The following DIAPH2 variants were observed in gnomAD, a reference collection of about 807,000 sequenced individuals.
DIAPH2 encodes the protein diaphanous related formin 2, also known as protein diaphanous homolog 2.
DIAPH2 carries 35 observed loss-of-function variants against 92.7 expected under a neutral mutation model. That is an observed-to-expected ratio of 0.38 (90% CI 0.29 to 0.50). DIAPH2 has a LOEUF of 0.50. Ranked by LOEUF, DIAPH2 falls within the 20% of genes least tolerant of loss-of-function variation. The pLI is 0.94. For missense variants in DIAPH2, 701 were observed against 819.5 expected (o/e 0.86, Z 1.77); for synonymous variants, 301 against 280.4 (o/e 1.07, Z -0.73).
chrX:97,579,762 A>G (rs2071425305), intron 26 of DIAPH2, among the ~76,000 whole-genome samples: 1 of 110,045 alleles, frequency 9.1e-6, no homozygotes, highest in Non-Finnish European at 1.9e-5. Flanking sequence ...CTTGGGCAGT[A>G]TGGCCATTTT....
intron 26 of DIAPH2, among the ~76,000 whole-genome samples, chrX:97,521,423 C>A (rs1602646093): frequency 8.9e-6 from 1 of 111,966 alleles, no homozygotes; most frequent in Non-Finnish European, 1.9e-5. Context: ...CATTCCTTGC[C>A]TTTCCTCACC....
intron 19 of DIAPH2, among the ~76,000 whole-genome samples, chrX:97,093,799 T>G (rs192839444): frequency 8.9e-6 from 1 of 112,080 alleles, no homozygotes; most frequent in East Asian, 2.8e-4. Context: ...TTTTCTATTA[T>G]AGTAGTAAAT....
In DIAPH2 at chrX:96,912,319, A is replaced by T; in HGVS notation, c.588-9A>T. 8.4e-7 allele frequency: 1 copy of T among 1,183,607 alleles called. No individual in the cohort carries two copies. Among genetic ancestry groups the T allele is most frequent in the Admixed American group, 2.3e-5 (1 of 44,188 alleles). ...TACTTATACATCTAATTTTTTGTTTATTTCTCAGCTGGGTTAACAACTTTG... is the reference window on the plus strand; with the variant it reads ...TACTTATACATCTAATTTTTTGTTTTTTTCTCAGCTGGGTTAACAACTTTG... On this transcript the variant is annotated splice_polypyrimidine_tract_variant and intron_variant, in intron 5 of 26. Coordinates refer to ENST00000324765, the MANE Select transcript of DIAPH2 (RefSeq NM_006729.5).
At chrX:97,185,329 A>ATATATATATATGTATATATATGTG in intron 22 of DIAPH2, among the ~76,000 whole-genome samples, 1 of 9,406 alleles carries the variant, frequency 1.1e-4, no homozygotes, top group Admixed American at 2.0e-3. Flanking sequence ...ATATATGTGT[A>ATATATATATATGTATATATATGTG]TATATATATA....
intron 5 of DIAPH2, among the ~76,000 whole-genome samples, chrX:96,904,059 A>T (rs2065416638): frequency 8.9e-6 from 1 of 112,241 alleles, no homozygotes; most frequent in African/African-American, 3.2e-5. Context: ...AGGAACTCCT[A>T]AAAATGGATG....
chrX:96,879,851 T>G (rs1275438915), intron 4 of DIAPH2, among the ~76,000 whole-genome samples: 3 of 110,808 alleles, frequency 2.7e-5, no homozygotes, highest in Non-Finnish European at 3.8e-5. Flanking sequence ...TGTCTTAGCC[T>G]CACGAGTTGC....
At chrX:97,358,209 A>G (rs997779478) in intron 24 of DIAPH2, among the ~76,000 whole-genome samples, 1 of 112,181 alleles carries the variant, frequency 8.9e-6, no homozygotes, top group Non-Finnish European at 1.9e-5. Flanking sequence ...TATCTAGGGC[A>G]AAAGCAACTG....
chrX:96,962,600 G>T (rs1440978442), intron 16 of DIAPH2, among the ~76,000 whole-genome samples: 3 of 97,106 alleles, frequency 3.1e-5, no homozygotes, highest in Admixed American at 1.2e-4. Flanking sequence ...CCTCACTTTT[G>T]GTTACCATTT....
chrX:97,013,996 A>G (rs1187062736), intron 17 of DIAPH2, among the ~76,000 whole-genome samples: 2 of 112,329 alleles, frequency 1.8e-5, no homozygotes, highest in Non-Finnish European at 3.8e-5. Context: ...CTGATGATAG[A>G]AAAATAGGAA....
At chrX:96,827,176 T>G (rs763170934) in intron 4 of DIAPH2, among the ~76,000 whole-genome samples, 1 of 112,362 alleles carries the variant, frequency 8.9e-6, no homozygotes, top group African/African-American at 3.2e-5. Context: ...AAAACATTCT[T>G]AGAAAACTTA....
intron 1 of DIAPH2, among the ~76,000 whole-genome samples, chrX:96,690,966 G>T (rs1463743442): frequency 2.7e-5 from 3 of 111,547 alleles, no homozygotes; most frequent in Admixed American, 1.9e-4. Context: ...GACTCTGAAG[G>T]TGAAAAAGTT....
chrX:97,386,922 G>A (rs368540425), intron 25 of DIAPH2, among the ~76,000 whole-genome samples: 1 of 110,347 alleles, frequency 9.1e-6, no homozygotes, highest in Non-Finnish European at 1.9e-5. Flanking sequence ...TCTCCTAATG[G>A]TATCTTTCTT....
chrX:97,111,996 T>G (rs1444600620), intron 20 of DIAPH2, among the ~76,000 whole-genome samples: 1 of 112,521 alleles, frequency 8.9e-6, no homozygotes, highest in East Asian at 2.8e-4. Context: ...AAGTGTTAAT[T>G]GCTGTTAGCA....
In DIAPH2 at chrX:96,951,646, A is replaced by G. The variant is rs776134994; in HGVS notation, c.1614+2607A>G. ...GGCTGTATACTTTCTAGTGTGCCCA[A>G]AATAATGTCAAATACTAAATTATTC... On this transcript the variant is annotated intron_variant, in intron 15 of 26. Transcript: ENST00000324765. Among the ~76,000 whole-genome samples the G allele has an allele frequency of 5.4e-5, 6 of 111,627 alleles. No homozygotes were observed. The East Asian group carries it at 1.7e-3, about 31-fold the overall frequency.
chrX:97,136,741 CT>C lies in DIAPH2; in HGVS notation c.2590-4920del, dbSNP rs1333942820. Among the ~76,000 whole-genome samples, 3 of 111,197 alleles carry C rather than the reference CT, an allele frequency of 2.7e-5. No homozygotes were observed. The Admixed American group carries it at 2.9e-4, about 11-fold the overall frequency. ...CTCATTCTGGACATGATACAACATT[CT>C]TTTAATCATCGGGACTTAAAGCTTT... is the stretch of plus-strand genomic sequence containing the variant. On this transcript the variant is annotated intron_variant, in intron 21 of 26. Coordinates refer to ENST00000324765, the MANE Select transcript of DIAPH2 (RefSeq NM_006729.5).
chrX:96,936,411 C>T (rs1231880951), intron 10 of DIAPH2, among the ~76,000 whole-genome samples: 16 of 111,675 alleles, frequency 1.4e-4, no homozygotes, highest in Non-Finnish European at 2.1e-4. Flanking sequence ...GTCCCACTTT[C>T]GGTATCACCC....
intron 23 of DIAPH2, among the ~76,000 whole-genome samples, chrX:97,260,479 C>T (rs1392683605): frequency 8.9e-6 from 1 of 111,784 alleles, no homozygotes; most frequent in African/African-American, 3.2e-5. Flanking sequence ...GAATCTTTAC[C>T]TCAGCCTGTT....
intron 4 of DIAPH2, among the ~76,000 whole-genome samples, chrX:96,871,873 G>C (rs1208004129): frequency 8.9e-6 from 1 of 111,858 alleles, no homozygotes; most frequent in Admixed American, 9.5e-5. Context: ...TAAATAAGCT[G>C]TATTATCCAT....
chrX:97,005,346 T>C (rs1186632307), intron 17 of DIAPH2, among the ~76,000 whole-genome samples: 1 of 109,700 alleles, frequency 9.1e-6, no homozygotes, highest in Non-Finnish European at 1.9e-5. Context: ...TTTTTTTTTT[T>C]TGAATATTTT....
Sources: allele counts gnomAD v4.1 joint callset (sites outside exome capture counted in the v4.1 genomes callset), GRCh38; gene constraint gnomAD v4.1.1; transcripts MANE v1.5; gene names NCBI Gene and HGNC (gene_info 2026-07-23, HGNC 2026-07-21).